Variants in NXN observed in about 807,000 individuals in gnomAD.
NXN encodes the protein nucleoredoxin.
Under a neutral mutation model 48.6 loss-of-function variants are expected in NXN, and 16 were observed. The ratio of observed to expected loss-of-function variants is 0.33; its 90% confidence interval spans 0.22 to 0.50. The LOEUF (loss-of-function observed/expected upper bound fraction) is 0.50. NXN is among the 20% of genes least tolerant of loss of function. The pLI, the probability that NXN is intolerant of heterozygous loss-of-function variation, is 0.98. For missense variants in NXN, 492 were observed against 605.5 expected (o/e 0.81, Z 1.97); for synonymous variants, 281 against 269.6 (o/e 1.04, Z -0.41).
At chr17:877,291 C>G (rs576186890) in intron 1 of NXN, among the ~76,000 whole-genome samples, 4 of 151,834 alleles carry the variant, frequency 2.6e-5, no homozygotes, top group African/African-American at 9.7e-5. Context: ...AGACTACTGG[C>G]GCCCGCCACC....
chr17:859,262 G>A (rs1347798862), intron 1 of NXN, among the ~76,000 whole-genome samples: 1 of 152,182 alleles, frequency 6.6e-6, no homozygotes, highest in African/African-American at 2.4e-5. Context: ...CTGACCGATA[G>A]TTCAAAGCGG....
At chr17:938,000 T>C (rs1039678511) in intron 1 of NXN, among the ~76,000 whole-genome samples, 2 of 152,226 alleles carry the variant, frequency 1.3e-5, no homozygotes, top group Non-Finnish European at 2.9e-5. Flanking sequence ...CCCAGAAGGC[T>C]TCTGCTTTTG....
At chr17:937,649 A>G (rs897854817) in intron 1 of NXN, among the ~76,000 whole-genome samples, 2 of 151,948 alleles carry the variant, frequency 1.3e-5, no homozygotes, top group East Asian at 1.9e-4. Flanking sequence ...ACTCACTCCA[A>G]TTTCACTCTT....
In NXN at chr17:920,142, A is replaced by C. The variant is rs897343939; in HGVS notation, c.360+59177T>G. Among the ~76,000 whole-genome samples the C allele has an allele frequency of 3.9e-5, 6 of 151,946 alleles. No homozygotes were observed. The highest frequency in any genetic ancestry group is 7.4e-5 in the Non-Finnish European group (5 of 67,958). ...CTTGAACTCCTGGGCTCAAGCGATC[A>C]GCCCATCTCAGCCGCCCAAAGTGCT... is the stretch of plus-strand genomic sequence containing the variant. On this transcript the variant is annotated intron_variant, in intron 1 of 7. Transcript: ENST00000336868. The surrounding 1 kb of genome is among the most constrained non-coding windows in gnomAD (Gnocchi z 4.6).
Position 819,424 on chromosome 17 carries a change from G to A in NXN, c.820+15C>T. ...TTTCCAGGAGCCACACGGAGCCGGG[G>A]CCTGGAGCGCCTACCTTGGATTCCG... is the stretch of plus-strand genomic sequence containing the variant. On this transcript the variant is annotated intron_variant, in intron 5 of 7. Coordinates refer to ENST00000336868, the MANE Select transcript of NXN (RefSeq NM_022463.5). The A allele has an allele frequency of 3.1e-6, 5 of 1,604,280 alleles. No homozygotes were observed. Among genetic ancestry groups the A allele is most frequent in the Non-Finnish European group, 4.3e-6 (5 of 1,172,018 alleles).
chr17:964,670 T>C (rs939989836), intron 1 of NXN, among the ~76,000 whole-genome samples: 1 of 152,200 alleles, frequency 6.6e-6, no homozygotes, highest in African/African-American at 2.4e-5. Context: ...GCAATGTATA[T>C]TACAGATTTG....
intron 1 of NXN, among the ~76,000 whole-genome samples, chr17:941,397 A>C (rs1399492971): frequency 6.3e-4 from 80 of 127,710 alleles, no homozygotes; most frequent in African/African-American, 2.2e-3. Flanking sequence ...GAATTCACCA[A>C]ACACCTCCCT....
rs868239230 is a variant in NXN at position 841,513 on chromosome 17, G to C, written c.361-15435C>G. On this transcript the variant is annotated intron_variant, in intron 1 of 7. Coordinates refer to ENST00000336868, the MANE Select transcript of NXN (RefSeq NM_022463.5). ...TGACCACGGCGCATCTCACACGGGC[G>C]AGCAGGTCCCCCCGACCATGGAGCA... Among the ~76,000 whole-genome samples the C allele has an allele frequency of 4.6e-3, 468 of 102,024 alleles. 7 individuals are homozygous for C. Among genetic ancestry groups the C allele is most frequent in the Non-Finnish European group, 7.8e-3 (346 of 44,482 alleles). 66.9% of individuals were successfully genotyped at this position (102,024 alleles called of 152,430 possible).
chr17:923,672 TCA>T (rs2068769918), intron 1 of NXN, among the ~76,000 whole-genome samples: 1 of 152,260 alleles, frequency 6.6e-6, no homozygotes. Context: ...GGACAGGTCC[TCA>T]CAGAGTTTAC....
At chr17:814,259 AAAAAAAAGAAAAG>A (rs1003155026) in intron 5 of NXN, among the ~76,000 whole-genome samples, 5 of 151,966 alleles carry the variant, frequency 3.3e-5, no homozygotes, top group African/African-American at 1.2e-4. Context: ...ACTCTGTCTC[AAAAAAAAGAAAAG>A]AAAAAAAGAA....
chr17:979,776 C>A lies in NXN; in HGVS notation c.-98G>T, dbSNP rs563388859. On this transcript the variant is annotated 5_prime_UTR_variant, in exon 1 of 8. Transcript: ENST00000336868. The stretch of plus-strand genomic sequence containing the variant: ...CGTCGGCGGCAGGCGCTGGGGAGAG[C>A]AGAGCCCGGCCCAGTAGGGCCGCCC... 6.0e-5 allele frequency: 63 copies of A among 1,041,614 alleles called. 1 individual carries two copies. The South Asian group carries it at 1.9e-3, about 32-fold the overall frequency. 64.5% of individuals were successfully genotyped at this position (1,041,614 alleles called of 1,614,324 possible). A position where few individuals can be genotyped will look rare whatever the true frequency, so the allele number is the denominator to read the frequency against.
intron 5 of NXN, among the ~76,000 whole-genome samples, chr17:817,195 C>A (rs1176257217): frequency 6.6e-6 from 1 of 152,164 alleles, no homozygotes; most frequent in East Asian, 1.9e-4. Flanking sequence ...TGCTCAGAAA[C>A]AGTCTCTCAG....
intron 1 of NXN, among the ~76,000 whole-genome samples, chr17:941,017 A>G (rs2068967899): frequency 6.9e-6 from 1 of 145,250 alleles, no homozygotes; most frequent in South Asian, 2.2e-4. Flanking sequence ...CTGGATTTAC[A>G]GTGAACAAGA....
At chr17:918,774 CAG>C (rs2068715765) in intron 1 of NXN, among the ~76,000 whole-genome samples, 1 of 107,490 alleles carries the variant, frequency 9.3e-6, no homozygotes, top group Non-Finnish European at 1.7e-5. Flanking sequence ...GCCTGGGAGA[CAG>C]AGACTCAGTC....
At chr17:883,746 G>A (rs114043801) in intron 1 of NXN, among the ~76,000 whole-genome samples, 3,572 of 152,320 alleles carry the variant, frequency 0.023, 136 homozygotes, top group African/African-American at 0.081. Flanking sequence ...ATTTTGTACA[G>A]AAGTGGGAGG....
Position 901,173 on chromosome 17 carries a change from G to A in NXN, c.361-75095C>T, listed in dbSNP as rs149526434. Among the ~76,000 whole-genome samples the A allele has an allele frequency of 4.3e-4, 66 of 152,022 alleles. 1 individual carries two copies. In the South Asian group the frequency reaches 7.9e-3, roughly 18 times the overall value. Reference sequence around the variant, plus strand: ...TGACCTCACTTGATCTGCCCGCCTCGGCCTCCCAAAGTGATGGGATTACAG... The same window carrying A: ...TGACCTCACTTGATCTGCCCGCCTCAGCCTCCCAAAGTGATGGGATTACAG... On this transcript the variant is annotated intron_variant, in intron 1 of 7. Coordinates refer to ENST00000336868, the MANE Select transcript of NXN (RefSeq NM_022463.5).
rs568528025 is a variant in NXN, at chr17:932,518, C to A, written c.360+46801G>T. Among the ~76,000 whole-genome samples, 2 of 152,212 alleles carry A rather than the reference C, an allele frequency of 1.3e-5. No individual in the cohort carries two copies. Among genetic ancestry groups the A allele is most frequent in the Non-Finnish European group, 1.5e-5 (1 of 68,036 alleles). ...TTGGGTCCAGTCGTCGTCTCCTCAG[C>A]GAGTAAGGCAGCTTCAGGGGAAGGC... On this transcript the variant is annotated intron_variant, in intron 1 of 7. Coordinates refer to ENST00000336868, the MANE Select transcript of NXN (RefSeq NM_022463.5). This position sits in a 1 kb window ranked among gnomAD's most constrained non-coding sequence, Gnocchi z 4.1.
chr17:970,083 T>A (rs887253945), intron 1 of NXN, among the ~76,000 whole-genome samples: 11 of 152,200 alleles, frequency 7.2e-5, no homozygotes, highest in African/African-American at 2.7e-4. Flanking sequence ...AAATACACTG[T>A]GTATCTGGTC....
rs1237808347 is a variant in NXN at position 864,037 on chromosome 17, G to A, written c.361-37959C>T. On this transcript the variant is annotated intron_variant, in intron 1 of 7. Coordinates refer to ENST00000336868, the MANE Select transcript of NXN (RefSeq NM_022463.5). ...TACCGTTGCTGGGTTCCGGTGAAGG[G>A]ACACGTCTGCCATTGCTCGGTTCCG... 1.3e-5 allele frequency: 19 copies of A among 1,516,568 alleles called. No homozygotes were observed. In the African/African-American group the frequency reaches 2.5e-4, roughly 20 times the overall value. The allele number at this position is 1,516,568 out of a possible 1,614,324, so 93.9% of individuals were successfully genotyped here. A position where few individuals can be genotyped will look rare whatever the true frequency, so the allele number is the denominator to read the frequency against.
Sources: gnomAD v4.1 joint callset for allele counts (sites outside exome capture counted in the v4.1 genomes callset) on GRCh38, gnomAD v4.1.1 for gene constraint, Gnocchi (gnomAD v3.1) non-coding constraint, MANE v1.5 for transcripts, NCBI Gene and HGNC (gene_info 2026-07-23, HGNC 2026-07-21) for gene names.